The following BCKDHB variants were observed in gnomAD, a reference collection of about 807,000 sequenced individuals.
BCKDHB encodes branched chain keto acid dehydrogenase E1 subunit beta, also known as 2-oxoisovalerate dehydrogenase subunit beta, mitochondrial.
A neutral mutation model predicts 48.5 loss-of-function variants in BCKDHB; 41 were observed. The ratio of observed to expected loss-of-function variants is 0.85; its 90% CI spans 0.66 to 1.10. The LOEUF (loss-of-function observed/expected upper bound fraction) is 1.10, where lower values mean the gene tolerates loss of function less well. Among genes scored for constraint, BCKDHB ranks in the 50% least tolerant of loss-of-function variants. BCKDHB has a pLI of 0.00. For synonymous variants in BCKDHB, 201 were observed against 174.8 expected (o/e 1.15, Z -1.18); for missense variants, 496 against 494.2 (o/e 1.00, Z -0.03).
chr6:80,422,091 G>A, the BCKDHB span, among the ~76,000 whole-genome samples: 3 of 152,148 alleles, frequency 2.0e-5, no homozygotes, highest in East Asian at 5.8e-4. Flanking sequence ...GGTAAAAATG[G>A]TTTTGGGGCT....
chr6:80,426,102 T>G, the BCKDHB span, among the ~76,000 whole-genome samples: 9 of 152,282 alleles, frequency 5.9e-5, no homozygotes, highest in Admixed American at 3.9e-4. Context: ...AGAGAGAGTC[T>G]TCTTATATCT....
chr6:80,364,453 G>A, the BCKDHB span, among the ~76,000 whole-genome samples: 3 of 152,174 alleles, frequency 2.0e-5, no homozygotes, highest in Non-Finnish European at 4.4e-5. Context: ...CAGGCAGGGA[G>A]GTCATGAGCC....
intron 6 of BCKDHB, among the ~76,000 whole-genome samples, chr6:80,184,706 C>T (rs1034085846): frequency 2.0e-5 from 3 of 152,036 alleles, no homozygotes; most frequent in East Asian, 1.9e-4. Flanking sequence ...GTTAGTTTTG[C>T]GGCATACAAA....
chr6:80,303,650 CGT>C (rs372735913), intron 9 of BCKDHB, among the ~76,000 whole-genome samples: 19 of 150,454 alleles, frequency 1.3e-4, no homozygotes, highest in South Asian at 2.1e-4. Context: ...AAAATCCATG[CGT>C]GTGTGTGTGT....
At chr6:80,279,832 G>T (rs528435325) in intron 9 of BCKDHB, among the ~76,000 whole-genome samples, 3 of 152,122 alleles carry the variant, frequency 2.0e-5, no homozygotes, top group Non-Finnish European at 4.4e-5. Flanking sequence ...ATTAGAAGTC[G>T]ATGATAAACA....
chr6:80,144,965 G>T (rs1368181651), intron 3 of BCKDHB, among the ~76,000 whole-genome samples: 1 of 152,124 alleles, frequency 6.6e-6, no homozygotes, highest in Non-Finnish European at 1.5e-5. Context: ...ATATCTCCAT[G>T]TTCCAGGGAA....
intron 3 of BCKDHB, among the ~76,000 whole-genome samples, chr6:80,147,708 C>T (rs539447035): frequency 6.6e-6 from 1 of 152,140 alleles, no homozygotes; most frequent in African/African-American, 2.4e-5. Context: ...ATTTCACCCT[C>T]AAGATTTCTG....
chr6:80,439,071 C>T, the BCKDHB span, among the ~76,000 whole-genome samples: 1 of 152,206 alleles, frequency 6.6e-6, no homozygotes, highest in Non-Finnish European at 1.5e-5. Flanking sequence ...CTGCCACATA[C>T]AGAAAACATC....
chr6:80,307,771 A>T, intron 9 of BCKDHB: 1 of 983,430 alleles, frequency 1.0e-6, no homozygotes, highest in Non-Finnish European at 1.2e-6. Context: ...TGAAGCACAC[A>T]CTTCATAATG....
chr6:80,358,624 A>T, the BCKDHB span, among the ~76,000 whole-genome samples: 1 of 152,230 alleles, frequency 6.6e-6, no homozygotes. Context: ...GTCAACGCAA[A>T]AGGTCACATA....
chr6:80,352,949 T>C, the BCKDHB span, among the ~76,000 whole-genome samples: 1 of 152,246 alleles, frequency 6.6e-6, no homozygotes, highest in African/African-American at 2.4e-5. Context: ...AGTATAATTT[T>C]GTTACATGCA....
intron 3 of BCKDHB, among the ~76,000 whole-genome samples, chr6:80,150,966 ACT>A (rs1771744707): frequency 6.6e-6 from 1 of 152,176 alleles, no homozygotes; most frequent in Non-Finnish European, 1.5e-5. Context: ...GTGAAATGTC[ACT>A]GTTATATTAT....
At chr6:80,228,465 A>G (rs1470720645) in intron 8 of BCKDHB, among the ~76,000 whole-genome samples, 1 of 152,236 alleles carries the variant, frequency 6.6e-6, no homozygotes, top group Admixed American at 6.5e-5. Context: ...TAATAGAGAC[A>G]GCACCAGTTC....
chr6:80,382,275 A>T, the BCKDHB span, among the ~76,000 whole-genome samples: 83 of 152,262 alleles, frequency 5.5e-4, no homozygotes, highest in Non-Finnish European at 8.8e-4. Context: ...TTTGGTTTAT[A>T]AATTTTGGTC....
intron 1 of BCKDHB, among the ~76,000 whole-genome samples, chr6:80,107,252 A>C (rs893251355): frequency 6.7e-6 from 1 of 149,870 alleles, no homozygotes; most frequent in African/African-American, 2.5e-5. Flanking sequence ...CAGCCTGGCC[A>C]GGACTGGGCC....
At chr6:80,439,494 T>C in the BCKDHB span, among the ~76,000 whole-genome samples, 2 of 152,176 alleles carry the variant, frequency 1.3e-5, no homozygotes, top group Admixed American at 6.5e-5. Flanking sequence ...CTGAAGTAAG[T>C]AAGCATTTCT....
chr6:80,322,363 C>T (rs925673505), intron 9 of BCKDHB, among the ~76,000 whole-genome samples: 16 of 151,668 alleles, frequency 1.1e-4, no homozygotes, highest in Admixed American at 2.0e-4. Flanking sequence ...CTCAGCCTCC[C>T]GAGTAGCTGG....
chr6:80,457,442 C>T, the BCKDHB span, among the ~76,000 whole-genome samples: 1 of 152,192 alleles, frequency 6.6e-6, no homozygotes, highest in African/African-American at 2.4e-5. Flanking sequence ...CCTGACCCTG[C>T]TGAGTGTGTG....
the BCKDHB span, among the ~76,000 whole-genome samples, chr6:80,361,096 T>C: frequency 2.6e-5 from 4 of 152,168 alleles, no homozygotes; most frequent in African/African-American, 7.2e-5. Flanking sequence ...CTTCATGTCT[T>C]CCAGGGGCCT....
Sources: allele counts gnomAD v4.1 joint callset (sites outside exome capture counted in the v4.1 genomes callset), GRCh38; gene constraint gnomAD v4.1.1; transcripts MANE v1.5; gene names NCBI Gene and HGNC (gene_info 2026-07-23, HGNC 2026-07-21).